The following PLD5 variants were observed in gnomAD, a reference collection of about 807,000 sequenced individuals.
The protein encoded by PLD5 is phospholipase D family member 5, also known as inactive phospholipase D5.
In PLD5, 36 loss-of-function variants were observed where a neutral mutation model predicts 61.1. The ratio of observed to expected loss-of-function variants is 0.59; its 90% CI spans 0.45 to 0.78. The LOEUF (loss-of-function observed/expected upper bound fraction) is 0.78. Ranked by LOEUF, PLD5 falls within the 30% of genes least tolerant of loss-of-function variation. The probability of loss-of-function intolerance (pLI) is 0.00; values close to 1 mark genes in which losing one functional copy is unlikely to be tolerated. For synonymous variants in PLD5, 243 were observed against 242.8 expected (o/e 1.00, Z -0.01); for missense variants, 515 against 644.4 (o/e 0.80, Z 2.17).
intron 1 of PLD5, among the ~76,000 whole-genome samples, chr1:242,431,579 A>T (rs916914879): frequency 6.6e-6 from 1 of 152,204 alleles, no homozygotes; most frequent in Admixed American, 6.5e-5. Flanking sequence ...TTATTTACAC[A>T]TCTTCTTTTA....
chr1:242,214,358 T>C (rs1236892698), intron 5 of PLD5, among the ~76,000 whole-genome samples: 2 of 152,204 alleles, frequency 1.3e-5, no homozygotes, highest in Non-Finnish European at 2.9e-5. Flanking sequence ...CTTACTCTGT[T>C]GATTTATTTC....
intron 6 of PLD5, among the ~76,000 whole-genome samples, chr1:242,118,152 G>A (rs1433021861): frequency 6.6e-6 from 1 of 152,168 alleles, no homozygotes; most frequent in Non-Finnish European, 1.5e-5. Flanking sequence ...ATGGGCTTTG[G>A]TGATACAGGC....
At chr1:242,423,199 C>G (rs751610044) in intron 1 of PLD5, among the ~76,000 whole-genome samples, 53 of 152,140 alleles carry the variant, frequency 3.5e-4, no homozygotes, top group Non-Finnish European at 7.2e-4. Flanking sequence ...CTGCGAAAGG[C>G]TAAAATTTAT....
rs764219731 is a variant in PLD5, at chr1:242,202,214, A to AAAAAAC, written c.735+17768_735+17773dup. 5.3e-5 allele frequency among the ~76,000 whole-genome samples: 8 copies of AAAAAAC among 151,912 alleles called. No homozygotes were observed. The East Asian group carries it at 1.2e-3, about 22-fold the overall frequency. The stretch of plus-strand genomic sequence containing the variant: ...GGTGACAGAGTAAGACTCTGTATCC[A>AAAAAAC]AAAAACAAAAACAAAAACAAAACAA... On this transcript the variant is annotated intron_variant, in intron 5 of 9. Coordinates refer to ENST00000536534, the MANE Select transcript of PLD5 (RefSeq NM_001372062.1).
intron 2 of PLD5, among the ~76,000 whole-genome samples, chr1:242,292,768 A>C (rs1210798179): frequency 6.6e-6 from 1 of 152,230 alleles, no homozygotes; most frequent in Non-Finnish European, 1.5e-5. Context: ...AACATTTCCA[A>C]GTCCTTCTCA....
At chr1:242,101,189 A>C (rs1660658178) in intron 8 of PLD5, among the ~76,000 whole-genome samples, 3 of 152,190 alleles carry the variant, frequency 2.0e-5, no homozygotes, top group African/African-American at 7.2e-5. Flanking sequence ...CATTATGTCA[A>C]TGACTAGCTG....
At chr1:242,193,404 G>T (rs1286516886) in intron 5 of PLD5, among the ~76,000 whole-genome samples, 1 of 152,194 alleles carries the variant, frequency 6.6e-6, no homozygotes, top group Admixed American at 6.5e-5. Context: ...GAGAAAAGGT[G>T]AAGATTTAGG....
intron 1 of PLD5, among the ~76,000 whole-genome samples, chr1:242,359,679 G>A (rs1660962402): frequency 6.6e-6 from 1 of 152,122 alleles, no homozygotes; most frequent in African/African-American, 2.4e-5. Context: ...CTCTTAGCAA[G>A]TTATTTAGCC....
chr1:242,451,811 C>T (rs1192212600), intron 1 of PLD5, among the ~76,000 whole-genome samples: 2 of 152,076 alleles, frequency 1.3e-5, no homozygotes, highest in African/African-American at 4.8e-5. Context: ...CGAGACTACT[C>T]TCCATGGTAT....
At position 242,132,902 on chromosome 1, in the gene PLD5, T is replaced by C. The variant is rs1003181566; in HGVS notation, c.736-8237A>G. On this transcript the variant is annotated intron_variant, in intron 5 of 9. Transcript: ENST00000536534. Reference sequence around the variant, plus strand: ...ATACTGATGAGGCAGCAGAATAGGGTCTGGAGGAAGGGAACCTAAGACTGA... The same window carrying C: ...ATACTGATGAGGCAGCAGAATAGGGCCTGGAGGAAGGGAACCTAAGACTGA... Among the ~76,000 whole-genome samples, 8 of 152,046 alleles carry C rather than the reference T, an allele frequency of 5.3e-5. No individual in the cohort carries two copies. The Middle Eastern group carries it at 0.01, about 194-fold the overall frequency.
chr1:242,088,198 C>T lies in PLD5; in HGVS notation c.*1656G>A, dbSNP rs1165811244. ...GTATATTATGGTCCTGAAGAACCAG[C>T]TCTAGCACGACGTCTAGTTTTGTGT... is the stretch of plus-strand genomic sequence containing the variant. On this transcript the variant is annotated 3_prime_UTR_variant, in exon 10 of 10. Transcript: ENST00000536534. 1 of 152,190 alleles carries T rather than the reference C, an allele frequency of 6.6e-6. No homozygotes were observed. Among genetic ancestry groups the T allele is most frequent in the Non-Finnish European group, 1.5e-5 (1 of 68,036 alleles). The allele number at this position is 152,190 out of a possible 1,614,324, so 9.4% of individuals were successfully genotyped here. A position where few individuals can be genotyped will look rare whatever the true frequency, so the allele number is the denominator to read the frequency against.
At chr1:242,332,878 G>C (rs1429884884) in intron 2 of PLD5, among the ~76,000 whole-genome samples, 1 of 152,154 alleles carries the variant, frequency 6.6e-6, no homozygotes, top group Non-Finnish European at 1.5e-5. Context: ...TAGATACCAA[G>C]TACTATATCA....
Position 242,457,796 on chromosome 1 carries a change from C to T in PLD5, c.189+66292G>A, listed in dbSNP as rs78678639. 0.015 allele frequency among the ~76,000 whole-genome samples: 2,284 copies of T among 152,278 alleles called. 128 individuals carry two copies. In the East Asian group the frequency reaches 0.16, roughly 11 times the overall value. Reference sequence around the variant, plus strand: ...CCTCCTGGTTACACTGATCCTTCTACCCTCTGTCACTCCACAGACTGTTAA... The same window carrying T: ...CCTCCTGGTTACACTGATCCTTCTATCCTCTGTCACTCCACAGACTGTTAA... On this transcript the variant is annotated intron_variant, in intron 1 of 9. Coordinates refer to ENST00000536534, the MANE Select transcript of PLD5 (RefSeq NM_001372062.1).
At chr1:242,131,416 C>A (rs1663236763) in intron 5 of PLD5, among the ~76,000 whole-genome samples, 1 of 152,090 alleles carries the variant, frequency 6.6e-6, no homozygotes. Context: ...GGGTTTCATA[C>A]AATCCAAGGA....
intron 5 of PLD5, among the ~76,000 whole-genome samples, chr1:242,194,626 C>G (rs59970620): frequency 0.037 from 3,057 of 83,400 alleles, 71 homozygotes; most frequent in African/African-American, 0.076. Context: ...ATGTATCTAT[C>G]TATCTATCTA....
chr1:242,281,042 G>T (rs1422677431), intron 3 of PLD5, among the ~76,000 whole-genome samples: 1 of 152,182 alleles, frequency 6.6e-6, no homozygotes, highest in Non-Finnish European at 1.5e-5. Context: ...CGGAGCCTGG[G>T]AACAAGAGAT....
intron 3 of PLD5, among the ~76,000 whole-genome samples, chr1:242,266,978 A>C (rs1673716915): frequency 6.6e-6 from 1 of 152,060 alleles, no homozygotes; most frequent in Admixed American, 6.6e-5. Context: ...TCAGCTGGGC[A>C]TGGTGGTGGG....
At chr1:242,506,035 AC>A (rs1182614340) in intron 1 of PLD5, among the ~76,000 whole-genome samples, 2 of 152,240 alleles carry the variant, frequency 1.3e-5, no homozygotes, top group African/African-American at 4.8e-5. Context: ...AAATGGTGTT[AC>A]CAGTCATATA....
At chr1:242,377,151 T>A in intron 1 of PLD5, 1 of 1,611,698 alleles carries the variant, frequency 6.2e-7, no homozygotes, top group Non-Finnish European at 8.5e-7. Context: ...CTTTAACTTG[T>A]GTACGATGAA....
Sources: gnomAD v4.1 joint callset for allele counts (sites outside exome capture counted in the v4.1 genomes callset) on GRCh38, gnomAD v4.1.1 for gene constraint, MANE v1.5 for transcripts, NCBI Gene and HGNC (gene_info 2026-07-23, HGNC 2026-07-21) for gene names.